ATRNL1: variants seen among roughly 807,000 people sequenced by gnomAD.
ATRNL1 encodes the protein attractin-like protein 1.
Under a neutral mutation model 182.7 loss-of-function variants are expected in ATRNL1, and 95 were observed. The ratio of observed to expected loss-of-function variants is 0.52; its 90% CI spans 0.44 to 0.62. The LOEUF (loss-of-function observed/expected upper bound fraction) is 0.62, where lower values mean the gene tolerates loss of function less well. ATRNL1 is among the 20% of genes least tolerant of loss of function. The pLI, the probability that ATRNL1 is intolerant of heterozygous loss-of-function variation, is 0.00. For synonymous variants in ATRNL1, 576 were observed against 568.3 expected (o/e 1.01, Z -0.19); for missense variants, 1,471 against 1,679.5 (o/e 0.88, Z 2.17).
chr10:115,408,445 A>G (rs1255779317), intron 20 of ATRNL1, among the ~76,000 whole-genome samples: 3 of 152,094 alleles, frequency 2.0e-5, no homozygotes, highest in Admixed American at 6.6e-5. Flanking sequence ...TGCTGTTGCA[A>G]TGTTTGAGTT....
At chr10:115,740,891 A>T (rs1475312952) in intron 27 of ATRNL1, among the ~76,000 whole-genome samples, 11 of 151,990 alleles carry the variant, frequency 7.2e-5, no homozygotes, top group South Asian at 2.1e-4. Context: ...ACTATCAAGT[A>T]TGTAAAGTTT....
chr10:115,708,499 CTCTT>C (rs1946967672), intron 26 of ATRNL1, among the ~76,000 whole-genome samples: 1 of 151,656 alleles, frequency 6.6e-6, no homozygotes, highest in Non-Finnish European at 1.5e-5. Flanking sequence ...AATTTATAAA[CTCTT>C]TCTTCCTTTT....
intron 24 of ATRNL1, among the ~76,000 whole-genome samples, chr10:115,482,937 C>T (rs1163838481): frequency 2.6e-5 from 4 of 151,094 alleles, no homozygotes; most frequent in Admixed American, 6.6e-5. Context: ...CTGTACTAAC[C>T]GTAAGGTAAG....
intron 28 of ATRNL1, among the ~76,000 whole-genome samples, chr10:115,869,124 C>T (rs1372918628): frequency 6.6e-6 from 1 of 152,112 alleles, no homozygotes; most frequent in Non-Finnish European, 1.5e-5. Flanking sequence ...CCACCGCAGC[C>T]GGCCAAGTCT....
intron 28 of ATRNL1, among the ~76,000 whole-genome samples, chr10:115,924,511 T>C (rs547739851): frequency 5.9e-5 from 9 of 152,322 alleles, no homozygotes; most frequent in African/African-American, 1.7e-4. Context: ...AGGAGAGCCT[T>C]TCCCCATTGC....
At chr10:115,350,346 G>GAAAAAA (rs71010016) in intron 19 of ATRNL1, among the ~76,000 whole-genome samples, 1 of 66,376 alleles carries the variant, frequency 1.5e-5, no homozygotes, top group Non-Finnish European at 2.6e-5. Flanking sequence ...AAAAAAAAAA[G>GAAAAAA]AAAAAAAAAA....
chr10:115,416,970 C>G (rs557884450), intron 20 of ATRNL1, among the ~76,000 whole-genome samples: 8 of 152,270 alleles, frequency 5.3e-5, no homozygotes, highest in Non-Finnish European at 1.2e-4. Flanking sequence ...AACAAGAACT[C>G]TGCACTTATC....
intron 25 of ATRNL1, among the ~76,000 whole-genome samples, chr10:115,533,873 T>C (rs1440102448): frequency 6.6e-6 from 1 of 151,048 alleles, no homozygotes; most frequent in African/African-American, 2.4e-5. Context: ...CCAGTAGTCA[T>C]TCAGGAGCAG....
intron 24 of ATRNL1, among the ~76,000 whole-genome samples, chr10:115,502,051 T>C (rs1431364148): frequency 1.3e-5 from 2 of 152,292 alleles, no homozygotes; most frequent in Admixed American, 6.5e-5. Context: ...AAGACACAAT[T>C]AAGTAAATTT....
At chr10:115,180,986 G>A (rs573489391) in intron 8 of ATRNL1, among the ~76,000 whole-genome samples, 1 of 151,964 alleles carries the variant, frequency 6.6e-6, no homozygotes, top group African/African-American at 2.4e-5. Context: ...TTGCATAAAA[G>A]GGTGAATGTG....
chr10:115,093,709 C>T lies in ATRNL1; in HGVS notation c.-42C>T. On this transcript the variant is annotated 5_prime_UTR_variant, in exon 1 of 29. Transcript: ENST00000355044. The surrounding 1 kb of genome is among the most constrained non-coding windows in gnomAD (Gnocchi z 6.1). ...TTCCCTTCAACAGCATCCCTGTCGG[C>T]GCCCGCGAGCGCAGTCTCGCCGGGC... 2.1e-6 allele frequency: 3 copies of T among 1,415,088 alleles called. No individual in the cohort carries two copies. The highest frequency in any genetic ancestry group is 2.8e-6 in the Non-Finnish European group (3 of 1,088,874). 87.7% of individuals were successfully genotyped at this position (1,415,088 alleles called of 1,614,324 possible).
At position 115,093,784 on chromosome 10, in the gene ATRNL1, C is replaced by T; in HGVS notation, c.34C>T (p.Pro12Ser). 1 of 1,426,232 alleles carries T rather than the reference C, an allele frequency of 7.0e-7. No individual in the cohort carries two copies. The highest frequency in any genetic ancestry group is 9.1e-7 in the Non-Finnish European group (1 of 1,096,684). 88.3% of individuals were successfully genotyped at this position (1,426,232 alleles called of 1,614,324 possible). The change falls in exon 1 of 29, where the codon CCG (proline) becomes TCG (serine). Residue 12 changes from proline to serine, a missense_variant. Pro to Ser is a moderately conservative substitution (Grantham distance 74). Around this residue, in one of 3 missense-constraint regions of ATRNL1, gnomAD observed 1,031 missense variants for 1,156.0 expected, o/e 0.89. Transcript: ENST00000355044. The surrounding 1 kb of genome is among the most constrained non-coding windows in gnomAD (Gnocchi z 6.1). ...ETGGRARTGT[P>S]QPAAPGVWRA... ...TGGGGGCCGGGCCCGCACTGGTACC[C>T]CGCAGCCAGCGGCCCCGGGGGTGTG...
chr10:115,556,405 A>G (rs575527519), intron 26 of ATRNL1, among the ~76,000 whole-genome samples: 1 of 152,290 alleles, frequency 6.6e-6, no homozygotes, highest in East Asian at 1.9e-4. Context: ...TTTAAAAATC[A>G]CTTTTTGAGT....
At chr10:115,512,822 G>T (rs1020741302) in intron 24 of ATRNL1, among the ~76,000 whole-genome samples, 12 of 151,864 alleles carry the variant, frequency 7.9e-5, no homozygotes, top group African/African-American at 2.9e-4. Context: ...TTTAAGAAGT[G>T]CAATATTTAC....
intron 27 of ATRNL1, among the ~76,000 whole-genome samples, chr10:115,787,305 G>A (rs1949419793): frequency 6.6e-6 from 1 of 152,082 alleles, no homozygotes; most frequent in Non-Finnish European, 1.5e-5. Context: ...GTAGAGATTT[G>A]CAACATCAAT....
At chr10:115,536,333 G>T (rs1268186835) in intron 25 of ATRNL1, among the ~76,000 whole-genome samples, 3 of 152,158 alleles carry the variant, frequency 2.0e-5, no homozygotes, top group African/African-American at 7.2e-5. Context: ...CCCTCCCCCA[G>T]CCTCGCTGTT....
At chr10:115,743,512 TA>T (rs1948201490) in intron 27 of ATRNL1, among the ~76,000 whole-genome samples, 1 of 152,056 alleles carries the variant, frequency 6.6e-6, no homozygotes, top group Admixed American at 6.6e-5. Flanking sequence ...CTTAAGGTGA[TA>T]AAAAGGATTG....
At chr10:115,829,712 C>A (rs1555093036) in intron 27 of ATRNL1, among the ~76,000 whole-genome samples, 1 of 151,980 alleles carries the variant, frequency 6.6e-6, no homozygotes. Flanking sequence ...AAGGGATTTT[C>A]TTTTCCTTTA....
At chr10:115,363,756 A>C (rs1397510687) in intron 19 of ATRNL1, among the ~76,000 whole-genome samples, 43 of 150,760 alleles carry the variant, frequency 2.9e-4, no homozygotes, top group African/African-American at 8.5e-4. Context: ...GTTTTCCCAG[A>C]ACCATTTAGT....
Sources: allele counts gnomAD v4.1 joint callset (sites outside exome capture counted in the v4.1 genomes callset), GRCh38; gene constraint gnomAD v4.1.1; regional missense constraint gnomAD v4.1.1; non-coding constraint Gnocchi (gnomAD v3.1); transcripts MANE v1.5; gene names NCBI Gene and HGNC (gene_info 2026-07-23, HGNC 2026-07-21).